CYREN: variants seen among roughly 807,000 people sequenced by gnomAD.
CYREN encodes the protein cell cycle regulator of non-homologous end joining.
CYREN carries 7 observed loss-of-function variants against 9.7 expected under a neutral mutation model. The observed-to-expected ratio is 0.72, with a 90% confidence interval of 0.41 to 1.36. The LOEUF (loss-of-function observed/expected upper bound fraction) is 1.36, where lower values mean the gene tolerates loss of function less well. Among genes scored for constraint, CYREN ranks in the 40% most tolerant of loss-of-function variants. The pLI is 0.01. For synonymous variants in CYREN, 76 were observed against 77.9 expected (o/e 0.98, Z 0.13); for missense variants, 215 against 198.1 (o/e 1.09, Z -0.51).
chr7:135,164,566 T>C, downstream of CYREN: 1 of 1,614,254 alleles, frequency 6.2e-7, no homozygotes, highest in Non-Finnish European at 8.5e-7. Flanking sequence ...CTCACTGACC[T>C]GCCCAACCTG....
intron 2 of CYREN, among the ~76,000 whole-genome samples, chr7:135,146,420 G>C (rs1829549022): frequency 6.6e-6 from 1 of 152,108 alleles, no homozygotes. Context: ...ATGTGACACA[G>C]AGACATGAAG....
chr7:135,102,949 T>TA (rs1438910861), intron 2 of CYREN, among the ~76,000 whole-genome samples: 2 of 152,160 alleles, frequency 1.3e-5, no homozygotes, highest in African/African-American at 4.8e-5. Context: ...TCATTCTCTT[T>TA]AAAAGACACT....
intron 2 of CYREN, among the ~76,000 whole-genome samples, chr7:135,132,596 C>T (rs1828927613): frequency 6.6e-6 from 1 of 152,116 alleles, no homozygotes; most frequent in Non-Finnish European, 1.5e-5. Context: ...TAATAATCCC[C>T]ACGTGTCAAG....
chr7:135,164,965 C>A, downstream of CYREN: 1 of 1,603,930 alleles, frequency 6.2e-7, no homozygotes, highest in Non-Finnish European at 8.5e-7. Flanking sequence ...CCTCTGAGGG[C>A]TGAGAGGGCT....
Position 135,166,462 on chromosome 7 carries a change from G to C in CYREN, c.*149C>G. On this transcript the variant is annotated 3_prime_UTR_variant, in exon 4 of 4. Transcript: ENST00000393114. ...GGCCCGGAGTGTCCAGGGGCTTCTGGCCTGAGGTGAATCTGCCAGGCCCAA... is the reference window on the plus strand; with the variant it reads ...GGCCCGGAGTGTCCAGGGGCTTCTGCCCTGAGGTGAATCTGCCAGGCCCAA... The C allele has an allele frequency of 3.0e-6, 4 of 1,317,812 alleles. No individual in the cohort carries two copies. The South Asian group carries it at 6.2e-5, about 20-fold the overall frequency. The allele number at this position is 1,317,812 out of a possible 1,614,324, so 81.6% of individuals were successfully genotyped here.
intron 2 of CYREN, chr7:135,134,818 C>G (rs1829257840): frequency 6.5e-7 from 1 of 1,542,154 alleles, no homozygotes; most frequent in Non-Finnish European, 8.8e-7. Context: ...GACAAAAATT[C>G]ACGTATTTCA....
intron 2 of CYREN, among the ~76,000 whole-genome samples, chr7:135,157,129 G>T (rs564988117): frequency 2.0e-4 from 30 of 152,204 alleles, no homozygotes; most frequent in Non-Finnish European, 3.2e-4. Flanking sequence ...ATACAATGGT[G>T]TCATGTTTCT....
chr7:135,119,697 G>A (rs1471695463), intron 2 of CYREN, among the ~76,000 whole-genome samples: 4 of 152,054 alleles, frequency 2.6e-5, no homozygotes, highest in Non-Finnish European at 5.9e-5. Context: ...CTAACACGGT[G>A]AAACCCCGTC....
chr7:135,100,726 G>A (rs1432580943), intron 2 of CYREN, among the ~76,000 whole-genome samples: 1 of 152,162 alleles, frequency 6.6e-6, no homozygotes, highest in East Asian at 1.9e-4. Context: ...TTTTTAAAAT[G>A]TATTATTTAT....
At chr7:135,163,994 C>T (rs1324961199), downstream of CYREN, among the ~76,000 whole-genome samples, 4 of 152,230 alleles carry the variant, frequency 2.6e-5, no homozygotes, top group Admixed American at 1.3e-4. Flanking sequence ...TGGTGAAAAC[C>T]AATAGCTTCC....
At position 135,144,938 on chromosome 7, in the gene CYREN, TAAAAAAAA is replaced by T. The variant is rs58443282; in HGVS notation, n.356+23803_356+23810del. 2.8e-4 allele frequency among the ~76,000 whole-genome samples: 13 copies of T among 45,624 alleles called. No individual in the cohort carries two copies. In the South Asian group the frequency reaches 5.0e-3, roughly 18 times the overall value. 29.9% of individuals were successfully genotyped at this position (45,624 alleles called of 152,430 possible). On this transcript the variant is annotated intron_variant and non_coding_transcript_variant, in intron 2 of 2. Coordinates refer to the CYREN transcript ENST00000459937. ...ACAGAGAGACCCTGTCTCAAAAGAGTAAAAAAAAAAAAAAAAAAAAAAAAAAAAAAAGA... is the reference window on the plus strand; with the variant it reads ...ACAGAGAGACCCTGTCTCAAAAGAGTAAAAAAAAAAAAAAAAAAAAAAAGA...
intron 2 of CYREN, among the ~76,000 whole-genome samples, chr7:135,134,416 T>C (rs888542361): frequency 1.5e-4 from 23 of 152,178 alleles, no homozygotes; most frequent in African/African-American, 5.5e-4. Flanking sequence ...TAGACTCACG[T>C]TGATTTTTTT....
At chr7:135,170,758 G>A (rs1830610534), upstream of CYREN, 1 of 152,268 alleles carries the variant, frequency 6.6e-6, no homozygotes, top group Non-Finnish European at 1.5e-5. Flanking sequence ...GCGGGCTCCC[G>A]GCCTCGGGAC....
intron 2 of CYREN, among the ~76,000 whole-genome samples, chr7:135,133,331 C>T (rs1258957024): frequency 6.6e-6 from 1 of 152,104 alleles, no homozygotes; most frequent in Non-Finnish European, 1.5e-5. Flanking sequence ...AAATTGAAAG[C>T]CTCAATAAAG....
chr7:135,167,571 G>C, intron 3 of CYREN, 161 bp downstream of exon 3: 1 of 985,464 alleles, frequency 1.0e-6, no homozygotes, highest in Non-Finnish European at 1.2e-6. Context: ...CACATGGGGA[G>C]AGGCCTGGGC....
intron 2 of CYREN, among the ~76,000 whole-genome samples, chr7:135,155,202 C>T (rs889456972): frequency 2.0e-5 from 3 of 152,102 alleles, no homozygotes; most frequent in Admixed American, 1.3e-4. Flanking sequence ...TTTTTCCACC[C>T]CTTTGTTTTC....
At chr7:135,167,831 C>G in intron 2 of CYREN, 24 bp from the exon 3 acceptor site, 1 of 1,614,038 alleles carries the variant, frequency 6.2e-7, no homozygotes. Context: ...ATGCAAGGCA[C>G]AGATGACACA....
chr7:135,123,153 A>G (rs1003645244), intron 2 of CYREN, among the ~76,000 whole-genome samples: 1 of 152,210 alleles, frequency 6.6e-6, no homozygotes, highest in African/African-American at 2.4e-5. Flanking sequence ...CGTTGATAAA[A>G]GGTTAGAGTA....
chr7:135,133,953 G>GA (rs560925837), intron 2 of CYREN, among the ~76,000 whole-genome samples: 38 of 147,352 alleles, frequency 2.6e-4, no homozygotes, highest in Admixed American at 1.1e-3. Context: ...ATTACTCTGA[G>GA]AAAAAAAAAA....
Sources: allele counts gnomAD v4.1 joint callset (sites outside exome capture counted in the v4.1 genomes callset), GRCh38; gene constraint gnomAD v4.1.1; transcripts MANE v1.5; gene names NCBI Gene and HGNC (gene_info 2026-07-23, HGNC 2026-07-21).